TMEM50B: variants seen among roughly 807,000 people sequenced by gnomAD.
The protein encoded by TMEM50B is transmembrane protein 50B.
A neutral mutation model predicts 23.4 loss-of-function variants in TMEM50B; 14 were observed. That is an observed-to-expected ratio of 0.60 (90% CI 0.39 to 0.93). The LOEUF (loss-of-function observed/expected upper bound fraction) is 0.93, where lower values mean the gene tolerates loss of function less well. Among genes scored for constraint, TMEM50B ranks in the 40% least tolerant of loss-of-function variants. The pLI is 0.00. For synonymous variants in TMEM50B, 64 were observed against 62.3 expected (o/e 1.03, Z -0.13); for missense variants, 159 against 193.0 (o/e 0.82, Z 1.04).
At position 33,468,799 on chromosome 21, in the gene TMEM50B, G is replaced by A. The variant is rs781439846; in HGVS notation, c.87C>T (p.Val29=). The A allele has an allele frequency of 1.5e-5, 24 of 1,613,572 alleles. No individual in the cohort carries two copies. Among genetic ancestry groups the A allele is most frequent in the East Asian group, 6.7e-5 (3 of 44,872 alleles). Residue 29 remains valine (V), a synonymous_variant, in exon 2 of 7, where the codon GTC becomes GTT. Coordinates refer to ENST00000542230, the MANE Select transcript of TMEM50B (RefSeq NM_006134.7). ...CTTTCTCACTTACCAATATACCTGC[G>A]ACAACAGATGCCACAGCATTTCTTC... ...SERRNAVASV[V]AGILFFTGWW...
intron 8 of TMEM50B, chr21:33,432,984 C>A (rs982302588): frequency 3.4e-6 from 3 of 881,808 alleles, no homozygotes; most frequent in South Asian, 1.4e-5. Flanking sequence ...CTCCCAGGTT[C>A]AAGCGATTCT....
intron 1 of TMEM50B, among the ~76,000 whole-genome samples, chr21:33,470,081 C>T (rs1455964614): frequency 6.8e-6 from 1 of 147,448 alleles, no homozygotes. Context: ...TGTTTCAAGG[C>T]CACCATAAAT....
At chr21:33,444,279 G>A (rs142527370), downstream of TMEM50B, among the ~76,000 whole-genome samples, 16 of 152,348 alleles carry the variant, frequency 1.1e-4, no homozygotes, top group Non-Finnish European at 1.8e-4. Flanking sequence ...TGGGCGCAGT[G>A]GCTCACGCCT....
At chr21:33,439,054 T>C (rs1436895047) in intron 8 of TMEM50B, among the ~76,000 whole-genome samples, 2 of 152,098 alleles carry the variant, frequency 1.3e-5, no homozygotes, top group South Asian at 2.1e-4. Context: ...TTAAGTGTTG[T>C]GTACCATGCT....
At chr21:33,442,568 G>A (rs760595737) in intron 7 of TMEM50B, among the ~76,000 whole-genome samples, 9 of 152,108 alleles carry the variant, frequency 5.9e-5, no homozygotes, top group Non-Finnish European at 1.2e-4. Flanking sequence ...AAAAAAAGAG[G>A]AGGGAGGCAG....
intron 8 of TMEM50B, among the ~76,000 whole-genome samples, chr21:33,435,266 G>A (rs1006888153): frequency 3.3e-5 from 5 of 152,172 alleles, no homozygotes; most frequent in Admixed American, 1.3e-4. Flanking sequence ...GTGCGCTGGT[G>A]CAAGGGGAGG....
In TMEM50B at chr21:33,467,036, A is replaced by G. The variant is rs1348429754; in HGVS notation, c.186T>C (p.Gly62=). The G allele has an allele frequency of 6.2e-7, 1 of 1,613,964 alleles. No individual in the cohort carries two copies. Among genetic ancestry groups the G allele is most frequent in the Non-Finnish European group, 8.5e-7 (1 of 1,179,854 alleles). ...TGAAGAAAGCCAATGTGGAAAATAC[A>G]CCACATGTGTGAAAGGCATGGTTCA... ...EQLNHAFHTC[G]VFSTLAFFMI... is the part of the protein sequence containing the mutation. Residue 62 remains glycine, a synonymous_variant, in exon 3 of 7, where the codon GGT becomes GGC. Coordinates refer to ENST00000542230, the MANE Select transcript of TMEM50B (RefSeq NM_006134.7).
intron 1 of TMEM50B, among the ~76,000 whole-genome samples, chr21:33,474,811 TAAATAAAATA>T (rs367854979): frequency 0.057 from 1,458 of 25,672 alleles, 64 homozygotes; most frequent in African/African-American, 0.24. Flanking sequence ...AATAAATAAA[TAAATAAAATA>T]AAATAAAATA....
intron 6 of TMEM50B, among the ~76,000 whole-genome samples, chr21:33,452,881 T>C (rs1346611406): frequency 3.9e-5 from 6 of 152,108 alleles, no homozygotes; most frequent in African/African-American, 1.4e-4. Flanking sequence ...CTGAGATAGC[T>C]ATAAATATAC....
intron 6 of TMEM50B, among the ~76,000 whole-genome samples, chr21:33,451,842 A>C: frequency 1.1e-5 from 1 of 93,302 alleles, no homozygotes; most frequent in East Asian, 6.5e-4. Context: ...TAAGGCCAAG[A>C]ACAGCTTTAA....
At position 33,457,962 on chromosome 21, in the gene TMEM50B, T is replaced by C. The variant is rs967841554; in HGVS notation, c.374-2178A>G. Among the ~76,000 whole-genome samples, 8 of 152,040 alleles carry C rather than the reference T, an allele frequency of 5.3e-5. No homozygotes were observed. In the East Asian group the frequency reaches 9.7e-4, roughly 18 times the overall value. ...TCACAAACGGCTAAGCTTTAGCCAATCCCAAGCAGCCAACTGATGAGACCA... is the reference window on the plus strand; with the variant it reads ...TCACAAACGGCTAAGCTTTAGCCAACCCCAAGCAGCCAACTGATGAGACCA... On this transcript the variant is annotated intron_variant, in intron 5 of 6. Coordinates refer to ENST00000542230, the MANE Select transcript of TMEM50B (RefSeq NM_006134.7).
rs547008406 is a variant in TMEM50B, at chr21:33,474,952, A to G, written c.-42+4886T>C. Among the ~76,000 whole-genome samples, 4 of 151,028 alleles carry G rather than the reference A, an allele frequency of 2.6e-5. No homozygotes were observed. The East Asian group carries it at 7.8e-4, about 30-fold the overall frequency. ...CCCACCGCCACCACCCCCAAGACAGAGTCTCTCTCTGTCACCCAGGATGGA... is the reference window on the plus strand; with the variant it reads ...CCCACCGCCACCACCCCCAAGACAGGGTCTCTCTCTGTCACCCAGGATGGA... On this transcript the variant is annotated intron_variant, in intron 1 of 6. Transcript: ENST00000542230.
At chr21:33,444,626 G>GGCA (rs1319804722), downstream of TMEM50B, among the ~76,000 whole-genome samples, 1 of 151,632 alleles carries the variant, frequency 6.6e-6, no homozygotes, top group Non-Finnish European at 1.5e-5. Flanking sequence ...TAATGTTTTT[G>GGCA]GCACCAGGAG....
intron 5 of TMEM50B, among the ~76,000 whole-genome samples, chr21:33,456,543 A>T (rs1601118676): frequency 6.6e-6 from 1 of 152,224 alleles, no homozygotes; most frequent in Non-Finnish European, 1.5e-5. Context: ...TAAAACTACA[A>T]ATGTTGATTT....
intron 2 of TMEM50B, among the ~76,000 whole-genome samples, chr21:33,467,785 C>A (rs1207840461): frequency 6.6e-6 from 1 of 152,180 alleles, no homozygotes; most frequent in Non-Finnish European, 1.5e-5. Context: ...TTAGTTCTTG[C>A]TCTGCTTCAT....
intron 5 of TMEM50B, 172 bp from the exon 6 acceptor site, chr21:33,455,956 CCAAAG>C (rs1324486712): frequency 1.4e-6 from 1 of 699,196 alleles, no homozygotes; most frequent in African/African-American, 1.8e-5. Flanking sequence ...TTTAATTCCC[CCAAAG>C]CAAAGGACTG....
chr21:33,442,272 GAC>G (rs765105128), intron 7 of TMEM50B, among the ~76,000 whole-genome samples: 14 of 152,084 alleles, frequency 9.2e-5, no homozygotes, highest in Non-Finnish European at 1.8e-4. Flanking sequence ...GAGACTCAAG[GAC>G]TGTCCCACGG....
intron 1 of TMEM50B, chr21:33,479,146 T>C (rs751439464): frequency 4.6e-6 from 1 of 218,680 alleles, no homozygotes; most frequent in Non-Finnish European, 9.5e-6. Context: ...CTGTTTTAAG[T>C]ACCTTTAACC....
At chr21:33,438,414 T>G (rs533460335) in intron 8 of TMEM50B, among the ~76,000 whole-genome samples, 3 of 152,196 alleles carry the variant, frequency 2.0e-5, no homozygotes, top group South Asian at 2.1e-4. Flanking sequence ...ATTAACTGAT[T>G]AATCAATAGT....
Sources: gnomAD v4.1 joint callset for allele counts (sites outside exome capture counted in the v4.1 genomes callset) on GRCh38, gnomAD v4.1.1 for gene constraint, MANE v1.5 for transcripts, NCBI Gene and HGNC (gene_info 2026-07-23, HGNC 2026-07-21) for gene names.